NEBL: variants seen among roughly 807,000 people sequenced by gnomAD.
NEBL encodes LIM and SH3 protein 2.
In NEBL, 122 loss-of-function variants were observed where a neutral mutation model predicts 140.2. The observed-to-expected ratio is 0.87, with a 90% confidence interval of 0.75 to 1.01. The LOEUF (loss-of-function observed/expected upper bound fraction) is 1.01, where lower values mean the gene tolerates loss of function less well. NEBL is among the 50% of genes least tolerant of loss of function. The pLI is 0.00. For missense variants in NEBL, 1,365 were observed against 1,231.3 expected (o/e 1.11, Z -1.62); for synonymous variants, 436 against 398.9 (o/e 1.09, Z -1.11).
chr10:21,065,156 G>A (rs1223551880), intron 2 of NEBL, among the ~76,000 whole-genome samples: 1 of 151,990 alleles, frequency 6.6e-6, no homozygotes, highest in African/African-American at 2.4e-5. Flanking sequence ...AGGAACAAAT[G>A]AAAAAAATCT....
chr10:21,171,782 A>G (rs974157326), intron 2 of NEBL: 2 of 156,800 alleles, frequency 1.3e-5, no homozygotes, highest in Admixed American at 6.1e-5. Flanking sequence ...TTTAATCCCC[A>G]CCTACTACAG....
chr10:20,931,410 A>C (rs1834176806), intron 4 of NEBL, among the ~76,000 whole-genome samples: 1 of 152,254 alleles, frequency 6.6e-6, no homozygotes, highest in South Asian at 2.1e-4. Context: ...AATTAAGAGA[A>C]ACACTTTGCC....
At chr10:21,193,452 C>T (rs568854488) in intron 3 of NEBL, among the ~76,000 whole-genome samples, 1 of 152,170 alleles carries the variant, frequency 6.6e-6, no homozygotes, top group South Asian at 2.1e-4. Flanking sequence ...ATTATCTATC[C>T]CTTCATCACC....
intron 4 of NEBL, among the ~76,000 whole-genome samples, chr10:20,932,021 T>G (rs981498833): frequency 7.2e-5 from 11 of 152,196 alleles, no homozygotes; most frequent in African/African-American, 2.7e-4. Context: ...AGAAACAATA[T>G]TCTAGGAGAC....
At chr10:21,018,104 G>A (rs1427135675) in intron 3 of NEBL, among the ~76,000 whole-genome samples, 1 of 152,124 alleles carries the variant, frequency 6.6e-6, no homozygotes, top group Admixed American at 6.6e-5. Flanking sequence ...TTACAGGCAT[G>A]AGCCCCCGTG....
chr10:20,847,596 C>T (rs1335946603), intron 11 of NEBL, among the ~76,000 whole-genome samples: 1 of 151,908 alleles, frequency 6.6e-6, no homozygotes, highest in Non-Finnish European at 1.5e-5. Context: ...ATGAATGTTT[C>T]TAGGGCTGAG....
chr10:21,119,257 C>G (rs552920010), intron 2 of NEBL, among the ~76,000 whole-genome samples: 7 of 152,154 alleles, frequency 4.6e-5, no homozygotes, highest in African/African-American at 1.7e-4. Flanking sequence ...GTTCTTTCTT[C>G]CTAACTTTTT....
chr10:20,940,014 T>G (rs1834762362), intron 4 of NEBL, among the ~76,000 whole-genome samples: 1 of 149,990 alleles, frequency 6.7e-6, no homozygotes, highest in African/African-American at 2.4e-5. Context: ...CTGTCAATAT[T>G]AGACAGATCA....
intron 26 of NEBL, among the ~76,000 whole-genome samples, chr10:20,797,637 G>C (rs1227404076): frequency 1.3e-5 from 2 of 152,312 alleles, no homozygotes; most frequent in East Asian, 1.9e-4. Context: ...ATGTGGGTCT[G>C]AACAAACAGG....
At chr10:21,058,543 A>G (rs11012498) in intron 2 of NEBL, among the ~76,000 whole-genome samples, 61,220 of 151,936 alleles carry the variant, frequency 0.4, 12,386 homozygotes, top group Middle Eastern at 0.47. Flanking sequence ...GACAGTGTAG[A>G]TAAAGTTTTG....
At chr10:21,177,690 C>T (rs1231380094), upstream of NEBL, among the ~76,000 whole-genome samples, 8 of 151,922 alleles carry the variant, frequency 5.3e-5, no homozygotes, top group African/African-American at 9.7e-5. Context: ...CCACCACGCC[C>T]GGCTAATTTT....
intron 4 of NEBL, among the ~76,000 whole-genome samples, chr10:20,940,250 G>A (rs1200203620): frequency 1.3e-5 from 2 of 151,920 alleles, no homozygotes; most frequent in South Asian, 2.1e-4. Flanking sequence ...AGACCACAGT[G>A]CAATCAAACT....
intron 3 of NEBL, among the ~76,000 whole-genome samples, chr10:21,000,366 T>A (rs543069835): frequency 1.3e-5 from 2 of 152,110 alleles, no homozygotes; most frequent in East Asian, 3.9e-4. Context: ...GTTTATTGTG[T>A]CCCATGCTGC....
chr10:21,226,223 C>T lies in NEBL; in HGVS notation n.348+21698G>A, dbSNP rs1842146082. 3.9e-5 allele frequency among the ~76,000 whole-genome samples: 6 copies of T among 152,024 alleles called. No individual in the cohort carries two copies. In the South Asian group the frequency reaches 1.3e-3, roughly 32 times the overall value. ...TGGGGCCTCAGGACTCTGCCTGGTG[C>T]TTTATCCTACTGTGGCTGAGCTGGT... On this transcript the variant is annotated intron_variant and non_coding_transcript_variant, in intron 3 of 8. Coordinates refer to the NEBL transcript ENST00000675702.
chr10:20,823,172 T>A (rs762328689), intron 19 of NEBL, 36 bp downstream of exon 19: 2 of 1,482,088 alleles, frequency 1.3e-6, no homozygotes, highest in South Asian at 1.2e-5. Flanking sequence ...TGATATACAA[T>A]AAAATTTTTA....
chr10:21,020,331 T>A (rs570393824), intron 2 of NEBL: 1 of 762,714 alleles, frequency 1.3e-6, no homozygotes, highest in Non-Finnish European at 2.3e-6. Context: ...TGAGCTTGGC[T>A]AAGGTCATCT....
At position 21,086,730 on chromosome 10, in the gene NEBL, T is replaced by A. The variant is rs138323077; in HGVS notation, c.165-66529A>T. 2.6e-3 allele frequency among the ~76,000 whole-genome samples: 395 copies of A among 152,318 alleles called. 1 individual carries two copies. Among genetic ancestry groups the A allele is most frequent in the African/African-American group, 8.4e-3 (351 of 41,576 alleles). On this transcript the variant is annotated intron_variant, in intron 2 of 6. Coordinates refer to the NEBL transcript ENST00000417816. The stretch of plus-strand genomic sequence containing the variant: ...AGGTGGAGGTTGCAGTGAGCCATGA[T>A]CGTGCCACTGCACTCCAGCCTAGGT...
chr10:20,879,521 C>T (rs1245644816), intron 5 of NEBL, among the ~76,000 whole-genome samples: 1 of 152,170 alleles, frequency 6.6e-6, no homozygotes, highest in African/African-American at 2.4e-5. Context: ...AACCTCATTC[C>T]ACTTTTTTAC....
At chr10:20,903,208 G>T (rs771025871) in intron 4 of NEBL, among the ~76,000 whole-genome samples, 4 of 152,036 alleles carry the variant, frequency 2.6e-5, no homozygotes, top group Admixed American at 2.0e-4. Context: ...GGATAGTAAT[G>T]GCATGAAAAG....
Sources: gnomAD v4.1 joint callset for allele counts (sites outside exome capture counted in the v4.1 genomes callset) on GRCh38, gnomAD v4.1.1 for gene constraint, MANE v1.5 for transcripts, NCBI Gene and HGNC (gene_info 2026-07-23, HGNC 2026-07-21) for gene names.